The following SGCZ variants were observed in gnomAD, a reference collection of about 807,000 sequenced individuals.
SGCZ encodes zeta-sarcoglycan.
SGCZ carries 40 observed loss-of-function variants against 41.3 expected under a neutral mutation model. That is an observed-to-expected ratio of 0.97 (90% CI 0.75 to 1.26). The LOEUF (loss-of-function observed/expected upper bound fraction) is 1.26. Ranked by LOEUF, SGCZ falls within the 50% of genes most tolerant of loss-of-function variation. SGCZ has a pLI of 0.00. For synonymous variants in SGCZ, 206 were observed against 137.5 expected (o/e 1.50, Z -3.49); for missense variants, 552 against 369.8 (o/e 1.49, Z -4.04).
chr8:14,720,966 A>G (rs1012515071), intron 1 of SGCZ, among the ~76,000 whole-genome samples: 2 of 151,946 alleles, frequency 1.3e-5, no homozygotes, highest in African/African-American at 4.8e-5. Context: ...GCTAAAGGCA[A>G]AGGCCAATAA....
At chr8:14,683,598 T>C (rs989804959) in intron 1 of SGCZ, among the ~76,000 whole-genome samples, 1 of 152,154 alleles carries the variant, frequency 6.6e-6, no homozygotes, top group Non-Finnish European at 1.5e-5. Context: ...TGATCAAGAT[T>C]CTTATTTTCC....
chr8:14,741,276 A>T (rs1799190464), intron 1 of SGCZ, among the ~76,000 whole-genome samples: 1 of 152,052 alleles, frequency 6.6e-6, no homozygotes, highest in African/African-American at 2.4e-5. Flanking sequence ...AACATAATTG[A>T]CATCTACAAA....
At chr8:14,290,795 G>C (rs1433571593) in intron 3 of SGCZ, among the ~76,000 whole-genome samples, 4 of 152,022 alleles carry the variant, frequency 2.6e-5, no homozygotes, top group African/African-American at 9.7e-5. Flanking sequence ...TCCCTCATAA[G>C]CTACCAGTAG....
intron 2 of SGCZ, among the ~76,000 whole-genome samples, chr8:14,414,849 C>T (rs1799452854): frequency 6.6e-6 from 1 of 151,858 alleles, no homozygotes; most frequent in South Asian, 2.1e-4. Context: ...AAATTGTGAT[C>T]ATAAATTCAA....
At chr8:14,202,981 G>T (rs1284798816) in intron 4 of SGCZ, among the ~76,000 whole-genome samples, 1 of 152,104 alleles carries the variant, frequency 6.6e-6, no homozygotes, top group Non-Finnish European at 1.5e-5. Context: ...GATAGTAAAT[G>T]AATCTCAGAA....
intron 1 of SGCZ, among the ~76,000 whole-genome samples, chr8:15,032,839 G>A (rs1803728330): frequency 6.6e-6 from 1 of 152,056 alleles, no homozygotes; most frequent in Non-Finnish European, 1.5e-5. Flanking sequence ...TTCTAGGCCA[G>A]CCTCTGTGGA....
chr8:14,885,449 A>G (rs1320785233), intron 1 of SGCZ, among the ~76,000 whole-genome samples: 1 of 152,128 alleles, frequency 6.6e-6, no homozygotes, highest in African/African-American at 2.4e-5. Flanking sequence ...CAAAACATGT[A>G]ATTAATTGGG....
At chr8:14,541,579 T>C (rs1033737256) in intron 2 of SGCZ, among the ~76,000 whole-genome samples, 3 of 151,774 alleles carry the variant, frequency 2.0e-5, no homozygotes, top group African/African-American at 2.4e-5. Flanking sequence ...GTCAATGCTA[T>C]TGTAATAAAC....
intron 2 of SGCZ, among the ~76,000 whole-genome samples, chr8:14,435,870 T>A (rs1466999184): frequency 1.3e-5 from 2 of 152,210 alleles, no homozygotes; most frequent in Non-Finnish European, 2.9e-5. Context: ...AGGCTTCAGT[T>A]TATTGTTATA....
At chr8:14,957,160 T>A (rs901473019) in intron 1 of SGCZ, among the ~76,000 whole-genome samples, 1 of 152,184 alleles carries the variant, frequency 6.6e-6, no homozygotes, top group African/African-American at 2.4e-5. Flanking sequence ...TCTATAAATA[T>A]GTATAATTTT....
chr8:15,190,334 T>TTTCATTTCATTCA (rs1554474314), intron 1 of SGCZ, among the ~76,000 whole-genome samples: 4 of 150,484 alleles, frequency 2.7e-5, no homozygotes, highest in South Asian at 2.1e-4. Flanking sequence ...GGATAATTCA[T>TTTCATTTCATTCA]TTCATTCATT....
chr8:14,959,550 A>G (rs1014052443), intron 1 of SGCZ, among the ~76,000 whole-genome samples: 2 of 152,188 alleles, frequency 1.3e-5, no homozygotes, highest in African/African-American at 4.8e-5. Context: ...ATTTAACAAT[A>G]GCTAATGCAG....
chr8:14,249,187 C>A (rs1257806653), intron 3 of SGCZ, among the ~76,000 whole-genome samples: 1 of 152,128 alleles, frequency 6.6e-6, no homozygotes, highest in African/African-American at 2.4e-5. Flanking sequence ...AGGCAGAATA[C>A]AAGAGAATTC....
At chr8:14,470,780 A>G (rs1056434078) in intron 2 of SGCZ, among the ~76,000 whole-genome samples, 1 of 152,180 alleles carries the variant, frequency 6.6e-6, no homozygotes, top group African/African-American at 2.4e-5. Flanking sequence ...AGACCTCAAA[A>G]GAAAGTCATT....
intron 2 of SGCZ, among the ~76,000 whole-genome samples, chr8:14,466,591 G>C (rs904419623): frequency 3.3e-5 from 5 of 151,678 alleles, no homozygotes; most frequent in Admixed American, 1.3e-4. Context: ...TGCACATATT[G>C]CTCTGCTTGA....
At chr8:15,194,185 TCA>T (rs34127082) in intron 1 of SGCZ, among the ~76,000 whole-genome samples, 72,056 of 139,248 alleles carry the variant, frequency 0.52, 19,082 homozygotes, top group Non-Finnish European at 0.59. Context: ...CCACCTCTAA[TCA>T]CACACACACA....
chr8:14,948,877 T>TC (rs1563384238), intron 1 of SGCZ, among the ~76,000 whole-genome samples: 47 of 130,764 alleles, frequency 3.6e-4, no homozygotes, highest in Non-Finnish European at 2.9e-4. Flanking sequence ...TACAGCTTTT[T>TC]TCTCTCTCTC....
rs930730171 is a variant in SGCZ at position 14,207,705 on chromosome 8, G to A, written c.424+29887C>T. Among the ~76,000 whole-genome samples, 11 of 148,414 alleles carry A rather than the reference G, an allele frequency of 7.4e-5. 1 individual carries two copies. In the South Asian group the frequency reaches 1.1e-3, roughly 14 times the overall value. On this transcript the variant is annotated intron_variant, in intron 4 of 7. Transcript: ENST00000382080. The stretch of plus-strand genomic sequence containing the variant: ...GTGTAGATTGCCAAATAAAGAATTA[G>A]TTACCCTATGTTTGAACACCTCAAG...
At chr8:14,525,753 T>C (rs775833987) in intron 2 of SGCZ, among the ~76,000 whole-genome samples, 1 of 152,100 alleles carries the variant, frequency 6.6e-6, no homozygotes, top group Non-Finnish European at 1.5e-5. Context: ...TCAATCACTG[T>C]TAAATTACAA....
Sources: allele counts gnomAD v4.1 joint callset (sites outside exome capture counted in the v4.1 genomes callset), GRCh38; gene constraint gnomAD v4.1.1; transcripts MANE v1.5; gene names NCBI Gene and HGNC (gene_info 2026-07-23, HGNC 2026-07-21).